Variants in PRKCB observed in about 807,000 individuals in gnomAD.
PRKCB encodes protein kinase C beta type.
In PRKCB, 13 loss-of-function variants were observed where a neutral mutation model predicts 81.5. The observed-to-expected ratio is 0.16, with a 90% CI of 0.10 to 0.25. PRKCB has a LOEUF of 0.25. Among genes scored for constraint, PRKCB ranks in the 10% least tolerant of loss-of-function variants. PRKCB has a pLI of 1.00. For missense variants in PRKCB, 509 were observed against 875.7 expected (o/e 0.58, Z 5.29); for synonymous variants, 335 against 321.4 (o/e 1.04, Z -0.45).
chr16:24,086,708 T>C (rs867503991), intron 5 of PRKCB, among the ~76,000 whole-genome samples: 4 of 152,344 alleles, frequency 2.6e-5, no homozygotes, highest in South Asian at 2.1e-4. Context: ...TAAAATGTGA[T>C]GGATAAAGCT....
chr16:24,124,398 A>T (rs1044663578), intron 9 of PRKCB, among the ~76,000 whole-genome samples: 2 of 152,184 alleles, frequency 1.3e-5, no homozygotes, highest in East Asian at 3.9e-4. Context: ...AGCAGGGCCC[A>T]AGGATGCAAA....
intron 2 of PRKCB, among the ~76,000 whole-genome samples, chr16:23,968,796 T>C (rs1964520741): frequency 6.6e-6 from 1 of 152,188 alleles, no homozygotes; most frequent in Non-Finnish European, 1.5e-5. Context: ...GGTTATTGGG[T>C]GGCTCATGTA....
chr16:24,091,651 C>A (rs530591550), intron 5 of PRKCB, among the ~76,000 whole-genome samples: 3 of 151,814 alleles, frequency 2.0e-5, no homozygotes, highest in African/African-American at 7.3e-5. Context: ...CACTCTGTCG[C>A]CCAGGCTGGA....
chr16:23,997,942 A>AG (rs1009981263), intron 3 of PRKCB, among the ~76,000 whole-genome samples: 1 of 152,180 alleles, frequency 6.6e-6, no homozygotes, highest in Non-Finnish European at 1.5e-5. Context: ...GACTGGGCTA[A>AG]GGGGGGTACC....
intron 2 of PRKCB, among the ~76,000 whole-genome samples, chr16:23,985,993 G>A (rs1322490445): frequency 3.3e-5 from 5 of 152,086 alleles, no homozygotes; most frequent in Non-Finnish European, 7.3e-5. Flanking sequence ...AGGATGCTGG[G>A]ACAATTGGTT....
chr16:23,993,296 T>A (rs933865886), intron 3 of PRKCB, among the ~76,000 whole-genome samples: 3 of 152,224 alleles, frequency 2.0e-5, no homozygotes, highest in African/African-American at 7.2e-5. Context: ...AGAAGTTCAC[T>A]AAGCAGAGAT....
At chr16:24,033,622 C>G (rs554593453) in intron 4 of PRKCB, among the ~76,000 whole-genome samples, 2 of 152,138 alleles carry the variant, frequency 1.3e-5, no homozygotes, top group Middle Eastern at 3.4e-3. Flanking sequence ...ATTAGCCAGT[C>G]AAGGTGGTGG....
intron 2 of PRKCB, among the ~76,000 whole-genome samples, chr16:23,896,130 T>C (rs889509667): frequency 2.0e-5 from 3 of 152,028 alleles, no homozygotes; most frequent in Non-Finnish European, 4.4e-5. Flanking sequence ...TTCTTTCTTC[T>C]CCCAATCCAC....
intron 5 of PRKCB, among the ~76,000 whole-genome samples, chr16:24,073,444 G>A (rs951976915): frequency 6.6e-6 from 1 of 151,980 alleles, no homozygotes; most frequent in Non-Finnish European, 1.5e-5. Context: ...TGATCCTCCC[G>A]CCTCAGCCCC....
intron 10 of PRKCB, among the ~76,000 whole-genome samples, chr16:24,166,712 G>A (rs1381038549): frequency 6.6e-6 from 1 of 152,148 alleles, no homozygotes; most frequent in Admixed American, 6.5e-5. Context: ...AAACATCTCT[G>A]GCAATAGAGT....
rs143518489 is a variant in PRKCB at position 24,036,924 on chromosome 16, G to A, written c.529+1377G>A. On this transcript the variant is annotated intron_variant, in intron 5 of 16. Transcript: ENST00000643927. The stretch of plus-strand genomic sequence containing the variant: ...TGCGGGCAGCCAACATTTATGGGCC[G>A]CATGGGATGTGCAGTGCTCTAAACC... Among the ~76,000 whole-genome samples the A allele has an allele frequency of 6.4e-3, 968 of 152,238 alleles. 7 individuals are homozygous for A. Among genetic ancestry groups the A allele is most frequent in the South Asian group, 0.021 (99 of 4,826 alleles).
intron 2 of PRKCB, among the ~76,000 whole-genome samples, chr16:23,866,561 A>G (rs761663360): frequency 3.9e-4 from 59 of 152,148 alleles, no homozygotes; most frequent in Non-Finnish European, 6.5e-4. Context: ...ACTTTCTCCC[A>G]TGCATATGGC....
chr16:24,049,020 G>A (rs1334334616), intron 5 of PRKCB, among the ~76,000 whole-genome samples: 2 of 130,242 alleles, frequency 1.5e-5, no homozygotes, highest in Admixed American at 1.6e-4. Context: ...TGAGGCTGAA[G>A]ATGATAACAT....
intron 5 of PRKCB, among the ~76,000 whole-genome samples, chr16:24,054,135 G>A (rs1203042207): frequency 6.6e-6 from 1 of 151,968 alleles, no homozygotes; most frequent in African/African-American, 2.4e-5. Context: ...ACCATGCCCA[G>A]CCAAATTTTT....
intron 3 of PRKCB, among the ~76,000 whole-genome samples, chr16:24,020,064 T>C (rs896545857): frequency 6.6e-6 from 1 of 152,224 alleles, no homozygotes; most frequent in Non-Finnish European, 1.5e-5. Context: ...TTTGGATAGG[T>C]AGTGCCAAAT....
At chr16:24,204,702 C>T (rs1433311840) in intron 16 of PRKCB, among the ~76,000 whole-genome samples, 4 of 152,108 alleles carry the variant, frequency 2.6e-5, no homozygotes, top group Non-Finnish European at 5.9e-5. Flanking sequence ...ATGATTCCAC[C>T]TTTGTCTAAA....
chr16:23,910,294 CAA>C (rs1355358254), intron 2 of PRKCB, among the ~76,000 whole-genome samples: 1 of 152,142 alleles, frequency 6.6e-6, no homozygotes, highest in East Asian at 1.9e-4. Context: ...TCCTTTAGAG[CAA>C]AGTTTCCCCA....
At chr16:23,853,530 G>T (rs1037693609) in intron 2 of PRKCB, among the ~76,000 whole-genome samples, 4 of 152,196 alleles carry the variant, frequency 2.6e-5, no homozygotes, top group African/African-American at 9.7e-5. Context: ...AGGAGGAAAA[G>T]AAAACAGGTT....
intron 5 of PRKCB, among the ~76,000 whole-genome samples, chr16:24,078,398 T>G (rs1367054347): frequency 6.6e-6 from 1 of 152,200 alleles, no homozygotes; most frequent in Admixed American, 6.5e-5. Context: ...TGTTTTCACT[T>G]AACTTGAGGC....
Sources: gnomAD v4.1 joint callset for allele counts (sites outside exome capture counted in the v4.1 genomes callset) on GRCh38, gnomAD v4.1.1 for gene constraint, MANE v1.5 for transcripts, NCBI Gene and HGNC (gene_info 2026-07-23, HGNC 2026-07-21) for gene names.